EYS: variants seen among roughly 807,000 people sequenced by gnomAD.
EYS encodes protein eyes shut homolog.
Under a neutral mutation model 282.1 loss-of-function variants are expected in EYS, and 250 were observed. That is an observed-to-expected ratio of 0.89 (90% confidence interval 0.80 to 0.98). The LOEUF (loss-of-function observed/expected upper bound fraction) is 0.98. EYS is among the 50% of genes least tolerant of loss of function. The pLI is 0.00. For synonymous variants in EYS, 1,355 were observed against 1,282.9 expected, an observed-to-expected ratio of 1.06 and a Z score of -1.20; for missense variants, 4,016 against 3,709.0, an observed-to-expected ratio of 1.08 and a Z score of -2.15.
At chr6:65,499,830 A>AT (rs916017397) in intron 2 of EYS, among the ~76,000 whole-genome samples, 1 of 151,836 alleles carries the variant, frequency 6.6e-6, no homozygotes, top group Non-Finnish European at 1.5e-5. Context: ...ATTTATTCAT[A>AT]TTTTTTAAGG....
intron 28 of EYS, among the ~76,000 whole-genome samples, chr6:64,416,378 A>G (rs1467172190): frequency 6.6e-6 from 1 of 152,174 alleles, no homozygotes; most frequent in Non-Finnish European, 1.5e-5. Flanking sequence ...AGTCTCATCT[A>G]TGGCAGCTGA....
intron 14 of EYS, among the ~76,000 whole-genome samples, chr6:64,986,288 C>G (rs75544337): frequency 0.016 from 2,403 of 151,426 alleles, 62 homozygotes; most frequent in African/African-American, 0.055. Flanking sequence ...TATCTTTTTT[C>G]TATAATTTTC....
intron 22 of EYS, among the ~76,000 whole-genome samples, chr6:64,703,429 A>ATATATATATTTTTTTTTTT (rs869208549): frequency 1.3e-4 from 3 of 23,366 alleles, no homozygotes; most frequent in Admixed American, 7.8e-4. Flanking sequence ...ATATATATAT[A>ATATATATATTTTTTTTTTT]TTTTTTTTTT....
intron 10 of EYS, among the ~76,000 whole-genome samples, chr6:65,343,396 C>A (rs1770270908): frequency 6.6e-6 from 1 of 151,096 alleles, no homozygotes; most frequent in Non-Finnish European, 1.5e-5. Context: ...TGGGAAAATT[C>A]TTGAATCATT....
intron 32 of EYS, among the ~76,000 whole-genome samples, chr6:64,072,060 T>C (rs1169885410): frequency 1.3e-5 from 2 of 152,014 alleles, no homozygotes; most frequent in South Asian, 2.1e-4. Flanking sequence ...ATAGAACTTA[T>C]TGAGAATATA....
rs117654837 is a variant in EYS, at chr6:65,057,294, T to C, written c.2137+320A>G. Among the ~76,000 whole-genome samples the C allele has an allele frequency of 9.2e-4, 140 of 152,218 alleles. 1 individual carries two copies. The East Asian group carries it at 0.023, about 25-fold the overall frequency. On this transcript the variant is annotated intron_variant, in intron 13 of 42. Transcript: ENST00000503581. ...GACAATTTCATAAGAAATTAAATAA[T>C]ACAGAAGAATATTTCAAATATAACA... is the stretch of plus-strand genomic sequence containing the variant.
intron 29 of EYS, among the ~76,000 whole-genome samples, chr6:64,354,562 G>A (rs963239734): frequency 6.6e-6 from 1 of 151,444 alleles, no homozygotes; most frequent in Non-Finnish European, 1.5e-5. Flanking sequence ...TGGAAAAATA[G>A]CCATGATTTT....
At chr6:64,594,571 C>G (rs1269785650) in intron 24 of EYS, among the ~76,000 whole-genome samples, 1 of 151,690 alleles carries the variant, frequency 6.6e-6, no homozygotes, top group Non-Finnish European at 1.5e-5. Flanking sequence ...AACCATCATT[C>G]TCAGCAAACT....
At chr6:64,888,288 G>T (rs1767163869) in intron 18 of EYS, among the ~76,000 whole-genome samples, 1 of 151,902 alleles carries the variant, frequency 6.6e-6, no homozygotes, top group Non-Finnish European at 1.5e-5. Flanking sequence ...TTGAATGTTT[G>T]CACCACAAAG....
chr6:64,257,766 G>GGATGAT (rs3072582), intron 30 of EYS, among the ~76,000 whole-genome samples: 6,379 of 149,286 alleles, frequency 0.043, 193 homozygotes, highest in African/African-American at 0.1. Context: ...TGAATGGTGT[G>GGATGAT]GATGATGATG....
intron 13 of EYS, among the ~76,000 whole-genome samples, chr6:65,006,667 G>A (rs190599867): frequency 6.6e-6 from 1 of 152,092 alleles, no homozygotes; most frequent in African/African-American, 2.4e-5. Context: ...ACCATACAAA[G>A]GTCCGACCAG....
At chr6:64,037,583 C>T (rs868845285) in intron 33 of EYS, among the ~76,000 whole-genome samples, 2 of 151,992 alleles carry the variant, frequency 1.3e-5, no homozygotes, top group South Asian at 2.1e-4. Context: ...ATAGATTTCC[C>T]AATGAGGGAA....
chr6:65,429,684 C>G (rs1767803051), intron 5 of EYS, among the ~76,000 whole-genome samples: 1 of 151,600 alleles, frequency 6.6e-6, no homozygotes. Flanking sequence ...ATAAAACAAG[C>G]AAAAGAGAAT....
chr6:64,771,911 AT>A (rs1224848285), intron 22 of EYS, among the ~76,000 whole-genome samples: 1 of 151,702 alleles, frequency 6.6e-6, no homozygotes, highest in Non-Finnish European at 1.5e-5. Flanking sequence ...TTTTTAATCT[AT>A]CTTTTGTATT....
intron 6 of EYS, 134 bp from the exon 7 acceptor site, chr6:65,402,739 A>T (rs1766566751): frequency 1.7e-6 from 1 of 595,142 alleles, no homozygotes; most frequent in East Asian, 3.0e-5. Context: ...GCAATGTGGC[A>T]GATTCTATTT....
chr6:65,469,386 T>C (rs1032456631), intron 5 of EYS, among the ~76,000 whole-genome samples: 5 of 152,094 alleles, frequency 3.3e-5, no homozygotes, highest in Admixed American at 6.6e-5. Flanking sequence ...TGAATCTTCA[T>C]AAAAAATATT....
At chr6:65,415,169 A>G (rs758237752) in intron 5 of EYS, among the ~76,000 whole-genome samples, 8 of 152,138 alleles carry the variant, frequency 5.3e-5, no homozygotes, top group Non-Finnish European at 1.2e-4. Context: ...GGGGATAAAC[A>G]TTAGTTGCAT....
chr6:65,655,750 G>A (rs1273353242), intron 1 of EYS, among the ~76,000 whole-genome samples: 1 of 151,794 alleles, frequency 6.6e-6, no homozygotes, highest in Non-Finnish European at 1.5e-5. Flanking sequence ...ATCAAATTTG[G>A]AGAGATGAGA....
chr6:65,117,640 T>C (rs1320223780), intron 12 of EYS, among the ~76,000 whole-genome samples: 2 of 152,166 alleles, frequency 1.3e-5, no homozygotes, highest in East Asian at 3.8e-4. Flanking sequence ...ATCCATTTAA[T>C]ATTAGAGAGT....
Sources: gnomAD v4.1 joint callset for allele counts (sites outside exome capture counted in the v4.1 genomes callset) on GRCh38, gnomAD v4.1.1 for gene constraint, MANE v1.5 for transcripts, NCBI Gene and HGNC (gene_info 2026-07-23, HGNC 2026-07-21) for gene names.